The following CAMTA1 variants were observed in gnomAD, a reference collection of about 807,000 sequenced individuals.
CAMTA1 encodes calmodulin binding transcription activator 1, also known as calmodulin-binding transcription activator 1.
In CAMTA1, 27 loss-of-function variants were observed where a neutral mutation model predicts 170.9. The observed-to-expected ratio is 0.16, with a 90% CI of 0.12 to 0.22. The LOEUF (loss-of-function observed/expected upper bound fraction) is 0.22. Among genes scored for constraint, CAMTA1 ranks in the 10% least tolerant of loss-of-function variants. The pLI, the probability that CAMTA1 is intolerant of heterozygous loss-of-function variation, is 1.00. For synonymous variants in CAMTA1, 833 were observed against 891.5 expected, an observed-to-expected ratio of 0.93 and a Z score of 1.17; for missense variants, 1,619 against 2,217.2, an observed-to-expected ratio of 0.73 and a Z score of 5.42.
chr1:7,533,567 G>T (rs1463417768), intron 6 of CAMTA1, among the ~76,000 whole-genome samples: 1 of 152,276 alleles, frequency 6.6e-6, no homozygotes, highest in South Asian at 2.1e-4. Flanking sequence ...GAGGCTGGGG[G>T]TGTGGACAGT....
intron 3 of CAMTA1, among the ~76,000 whole-genome samples, chr1:6,861,709 A>T (rs371817106): frequency 1.4e-3 from 212 of 152,294 alleles, no homozygotes; most frequent in African/African-American, 4.5e-3. Context: ...GCTTTAAAAA[A>T]TTTTTAATTG....
At chr1:7,361,351 A>G (rs2085522782) in intron 5 of CAMTA1, among the ~76,000 whole-genome samples, 2 of 152,200 alleles carry the variant, frequency 1.3e-5, no homozygotes, top group African/African-American at 4.8e-5. Context: ...AGTGTCATGG[A>G]ACTAAGAGTC....
intron 3 of CAMTA1, among the ~76,000 whole-genome samples, chr1:7,027,950 G>A (rs1024992025): frequency 2.6e-5 from 4 of 151,360 alleles, no homozygotes; most frequent in Non-Finnish European, 5.9e-5. Flanking sequence ...TGTTGCCCAG[G>A]CTGGAGTGCA....
intron 11 of CAMTA1, among the ~76,000 whole-genome samples, chr1:7,688,028 T>TTTTTTTTTTGCC (rs2096273969): frequency 6.7e-6 from 1 of 149,620 alleles, no homozygotes; most frequent in Admixed American, 6.6e-5. Flanking sequence ...TTTTTTTTTT[T>TTTTTTTTTTGCC]GGCAGAGTCT....
At chr1:7,442,794 T>G (rs545774646) in intron 5 of CAMTA1, among the ~76,000 whole-genome samples, 57 of 152,274 alleles carry the variant, frequency 3.7e-4, no homozygotes, top group Non-Finnish European at 7.1e-4. Context: ...TTACAAACAT[T>G]TATTGAGCAC....
chr1:7,313,390 G>C lies in CAMTA1; in HGVS notation c.438+63764G>C, dbSNP rs371303688. Among the ~76,000 whole-genome samples, 11 of 152,306 alleles carry C rather than the reference G, an allele frequency of 7.2e-5. No homozygotes were observed. In the East Asian group the frequency reaches 2.1e-3, roughly 29 times the overall value. ...CATTTTTCTGAACAGAAGCTTGTTG[G>C]TTTTGTGCCTCGGGGCATGTGCTCA... is the stretch of plus-strand genomic sequence containing the variant. On this transcript the variant is annotated intron_variant, in intron 5 of 22. Transcript: ENST00000303635.
chr1:7,672,134 G>A (rs1166922397), intron 10 of CAMTA1: 1 of 451,156 alleles, frequency 2.2e-6, no homozygotes, highest in Admixed American at 2.4e-5. Context: ...GAACGGCAGG[G>A]AGACCCACCC....
At chr1:7,112,790 T>C (rs1387401431) in intron 4 of CAMTA1, among the ~76,000 whole-genome samples, 1 of 152,202 alleles carries the variant, frequency 6.6e-6, no homozygotes, top group Non-Finnish European at 1.5e-5. Context: ...AGGCCCTCTG[T>C]CTGCCTCTCT....
chr1:7,078,007 C>T (rs1317194580), intron 3 of CAMTA1, among the ~76,000 whole-genome samples: 1 of 152,104 alleles, frequency 6.6e-6, no homozygotes, highest in Non-Finnish European at 1.5e-5. Flanking sequence ...CACACACACA[C>T]ATACACACAC....
At chr1:6,820,059 G>A in intron 1 of CAMTA1, 122 bp from the exon 2 acceptor site, 1 of 674,100 alleles carries the variant, frequency 1.5e-6, no homozygotes, top group South Asian at 1.6e-5. Flanking sequence ...CCTTGATTTG[G>A]ATTTGTCTGA....
At chr1:6,901,364 A>G (rs1390195621) in intron 3 of CAMTA1, among the ~76,000 whole-genome samples, 3 of 152,244 alleles carry the variant, frequency 2.0e-5, no homozygotes, top group Admixed American at 1.3e-4. Context: ...TGTGCAATCC[A>G]TAAGAGACAA....
chr1:7,183,838 G>A (rs1652714015), intron 4 of CAMTA1, among the ~76,000 whole-genome samples: 1 of 152,158 alleles, frequency 6.6e-6, no homozygotes, highest in South Asian at 2.1e-4. Context: ...TCATCAGACT[G>A]TACACCTATA....
intron 6 of CAMTA1, among the ~76,000 whole-genome samples, chr1:7,522,874 T>C (rs1379348380): frequency 1.3e-5 from 2 of 152,262 alleles, no homozygotes; most frequent in Non-Finnish European, 1.5e-5. Flanking sequence ...TCTCTTTTTT[T>C]GGTTTTTTGA....
chr1:7,420,507 A>G (rs2091490909), intron 5 of CAMTA1, among the ~76,000 whole-genome samples: 1 of 152,052 alleles, frequency 6.6e-6, no homozygotes, highest in Non-Finnish European at 1.5e-5. Flanking sequence ...AATCATGTCT[A>G]GTGAAGGACT....
intron 11 of CAMTA1, among the ~76,000 whole-genome samples, chr1:7,711,305 A>T (rs1469316670): frequency 2.0e-5 from 3 of 152,130 alleles, no homozygotes; most frequent in Admixed American, 6.5e-5. Context: ...ACTTCCTAAT[A>T]CCATCACGTT....
At chr1:7,387,206 G>A (rs1046786497) in intron 5 of CAMTA1, among the ~76,000 whole-genome samples, 1 of 151,620 alleles carries the variant, frequency 6.6e-6, no homozygotes, top group African/African-American at 2.4e-5. Flanking sequence ...GTATGCTGTT[G>A]ACCCCTCTCA....
At chr1:6,835,630 G>GGAA (rs1337409688) in intron 3 of CAMTA1, among the ~76,000 whole-genome samples, 2 of 152,142 alleles carry the variant, frequency 1.3e-5, no homozygotes, top group African/African-American at 4.8e-5. Flanking sequence ...CTCACTTAGA[G>GGAA]GAAGAATCTC....
chr1:6,798,472 C>T (rs371764896), intron 1 of CAMTA1, among the ~76,000 whole-genome samples: 48 of 152,250 alleles, frequency 3.2e-4, no homozygotes, highest in East Asian at 3.1e-3. Flanking sequence ...CTATCTCTGT[C>T]GCCCAGGCTA....
rs561218573 is a variant in CAMTA1 at position 7,713,215 on chromosome 1, A to G, written c.2915-19233A>G. On this transcript the variant is annotated intron_variant, in intron 11 of 22. Coordinates refer to ENST00000303635, the MANE Select transcript of CAMTA1 (RefSeq NM_015215.4). Reference sequence around the variant, plus strand: ...TTGGGTCAAACCATTTCCCACACTGATCTCTGGTTGGCATGCACCATTCAT... The same window carrying G: ...TTGGGTCAAACCATTTCCCACACTGGTCTCTGGTTGGCATGCACCATTCAT... Among the ~76,000 whole-genome samples, 12 of 152,302 alleles carry G rather than the reference A, an allele frequency of 7.9e-5. No individual in the cohort carries two copies. The East Asian group carries it at 2.1e-3, about 27-fold the overall frequency.
Sources: gnomAD v4.1 joint callset for allele counts (sites outside exome capture counted in the v4.1 genomes callset) on GRCh38, gnomAD v4.1.1 for gene constraint, MANE v1.5 for transcripts, NCBI Gene and HGNC (gene_info 2026-07-23, HGNC 2026-07-21) for gene names.